Variants in BLTP3A observed in about 807,000 individuals in gnomAD.
BLTP3A encodes ICBP90 binding protein 1.
At chr6:34,851,124 C>G in the BLTP3A span, among the ~76,000 whole-genome samples, 3 of 152,102 alleles carry the variant, frequency 2.0e-5, no homozygotes, top group South Asian at 6.2e-4. Context: ...TTCTCTGTTA[C>G]TCCAGGTTTG....
the BLTP3A span, chr6:34,834,088 C>A: frequency 9.6e-7 from 1 of 1,044,910 alleles, no homozygotes; most frequent in Non-Finnish European, 1.4e-6. Flanking sequence ...GGTAACAGAG[C>A]AAGAACCTGT....
the BLTP3A span, chr6:34,872,261 G>A: frequency 1.9e-6 from 3 of 1,554,052 alleles, no homozygotes; most frequent in South Asian, 2.5e-5. Flanking sequence ...ACTGGCGGTT[G>A]TTGCAAGATG....
chr6:34,821,442 T>TAAAA, the BLTP3A span: 3 of 441,748 alleles, frequency 6.8e-6, no homozygotes, highest in South Asian at 8.6e-5. Flanking sequence ...GTGCATTTGT[T>TAAAA]CTGGCTGGTC....
chr6:34,794,282 T>G, the BLTP3A span, among the ~76,000 whole-genome samples: 268 of 152,298 alleles, frequency 1.8e-3, 1 homozygote, highest in African/African-American at 6.0e-3. Context: ...TGCGTGCCTA[T>G]ATCAAAACAT....
the BLTP3A span, among the ~76,000 whole-genome samples, chr6:34,842,561 C>T: frequency 7.9e-5 from 12 of 152,190 alleles, no homozygotes; most frequent in East Asian, 2.3e-3. Flanking sequence ...AAGCTTAACC[C>T]AGCCAGGCAC....
the BLTP3A span, among the ~76,000 whole-genome samples, chr6:34,825,028 T>C: frequency 6.6e-6 from 1 of 152,314 alleles, no homozygotes; most frequent in East Asian, 1.9e-4. Flanking sequence ...ACTTTATATT[T>C]GGGTGATAGG....
the BLTP3A span, among the ~76,000 whole-genome samples, chr6:34,868,166 C>T: frequency 1.3e-5 from 2 of 151,550 alleles, no homozygotes; most frequent in East Asian, 2.0e-4. Context: ...ATTAGCTGGG[C>T]GTGGTGGCGG....
the BLTP3A span, among the ~76,000 whole-genome samples, chr6:34,805,267 T>A: frequency 2.7e-5 from 4 of 150,626 alleles, no homozygotes; most frequent in South Asian, 8.4e-4. Context: ...GGCGACAGAG[T>A]GAGATCATGA....
chr6:34,849,188 G>C, the BLTP3A span, among the ~76,000 whole-genome samples: 3 of 151,754 alleles, frequency 2.0e-5, no homozygotes, highest in Non-Finnish European at 4.4e-5. Context: ...CAGTAGAGAC[G>C]GGGTTTCGCC....
At chr6:34,834,860 G>C in the BLTP3A span, 1 of 1,612,634 alleles carries the variant, frequency 6.2e-7, no homozygotes. Flanking sequence ...CTCAAAAGAA[G>C]AGTAAGTGTG....
the BLTP3A span, chr6:34,873,243 A>G: frequency 6.6e-6 from 1 of 152,186 alleles, no homozygotes; most frequent in Non-Finnish European, 1.5e-5. Context: ...GCCAGGGGTC[A>G]GTGGGGGAGC....
chr6:34,817,057 T>G, the BLTP3A span, among the ~76,000 whole-genome samples: 1 of 152,184 alleles, frequency 6.6e-6, no homozygotes, highest in African/African-American at 2.4e-5. Flanking sequence ...TAATGTTGAG[T>G]TCTGTTTTCT....
the BLTP3A span, chr6:34,877,467 G>C: frequency 6.6e-6 from 1 of 152,542 alleles, no homozygotes; most frequent in South Asian, 2.1e-4. Context: ...TGAGTGTACT[G>C]GTTCTGTGAA....
the BLTP3A span, chr6:34,867,614 C>A: frequency 1.2e-6 from 2 of 1,612,074 alleles, no homozygotes; most frequent in Non-Finnish European, 8.5e-7. Flanking sequence ...GGACAGTGCC[C>A]AGGTAAGGAT....
chr6:34,872,238 C>T, the BLTP3A span: 6 of 1,518,780 alleles, frequency 4.0e-6, no homozygotes, highest in Non-Finnish European at 5.3e-6. Context: ...AACTCTTCCT[C>T]CCTGTTCCCT....
the BLTP3A span, among the ~76,000 whole-genome samples, chr6:34,798,345 GA>G: frequency 6.6e-6 from 1 of 152,150 alleles, no homozygotes; most frequent in African/African-American, 2.4e-5. Context: ...AGCGCTACTA[GA>G]AACATTCTAG....
the BLTP3A span, among the ~76,000 whole-genome samples, chr6:34,829,874 G>A: frequency 5.9e-5 from 9 of 151,516 alleles, no homozygotes; most frequent in Admixed American, 3.9e-4. Context: ...GCGCAATCTC[G>A]GCTCACTGCA....
At chr6:34,792,886 C>G in the BLTP3A span, among the ~76,000 whole-genome samples, 1 of 152,226 alleles carries the variant, frequency 6.6e-6, no homozygotes, top group Non-Finnish European at 1.5e-5. Context: ...CCCACCTCCT[C>G]CTCTTCTGTC....
At chr6:34,847,347 C>T in the BLTP3A span, among the ~76,000 whole-genome samples, 1 of 151,880 alleles carries the variant, frequency 6.6e-6, no homozygotes, top group Non-Finnish European at 1.5e-5. Context: ...AAGTATTCCT[C>T]CTCTATTTTT....
Sources: allele counts gnomAD v4.1 joint callset (sites outside exome capture counted in the v4.1 genomes callset), GRCh38; gene constraint gnomAD v4.1.1; transcripts MANE v1.5; gene names NCBI Gene and HGNC (gene_info 2026-07-23, HGNC 2026-07-21).